The following BRAF variants were observed in gnomAD, a reference collection of about 807,000 sequenced individuals.
The protein encoded by BRAF is B-Raf proto-oncogene, serine/threonine kinase.
BRAF carries 16 observed loss-of-function variants against 104.6 expected under a neutral mutation model. The ratio of observed to expected loss-of-function variants is 0.15; its 90% CI spans 0.10 to 0.23. The LOEUF (loss-of-function observed/expected upper bound fraction) is 0.23. Ranked by LOEUF, BRAF falls within the 10% of genes least tolerant of loss-of-function variation. The probability of loss-of-function intolerance (pLI) is 1.00; values close to 1 mark genes in which losing one functional copy is unlikely to be tolerated. For synonymous variants in BRAF, 310 were observed against 341.6 expected (o/e 0.91, Z 1.02); for missense variants, 541 against 937.3 (o/e 0.58, Z 5.52).
At chr7:140,903,405 C>T (rs1815899580) in intron 1 of BRAF, among the ~76,000 whole-genome samples, 1 of 152,132 alleles carries the variant, frequency 6.6e-6, no homozygotes, top group Non-Finnish European at 1.5e-5. Flanking sequence ...ACATAGTTTG[C>T]TGAATATTTT....
chr7:140,883,918 G>T (rs1813224039), intron 1 of BRAF, among the ~76,000 whole-genome samples: 2 of 152,150 alleles, frequency 1.3e-5, no homozygotes. Context: ...AGCAGGTTAA[G>T]TAATCTTCCC....
At chr7:140,871,621 AAC>A (rs760722380) in intron 1 of BRAF, among the ~76,000 whole-genome samples, 7 of 152,306 alleles carry the variant, frequency 4.6e-5, no homozygotes, top group Non-Finnish European at 1.0e-4. Flanking sequence ...GAGCATAAAA[AAC>A]AGACATGCAA....
chr7:140,828,067 G>C (rs1032299140), intron 3 of BRAF, among the ~76,000 whole-genome samples: 1 of 151,964 alleles, frequency 6.6e-6, no homozygotes. Context: ...GGCCAATTTT[G>C]TATTTATAGT....
At chr7:140,755,976 G>C (rs1798170612) in intron 14 of BRAF, among the ~76,000 whole-genome samples, 1 of 152,048 alleles carries the variant, frequency 6.6e-6, no homozygotes, top group Non-Finnish European at 1.5e-5. Context: ...GCATGCTGAA[G>C]ATAAAAGAGG....
Position 140,734,702 on chromosome 7 carries a change from G to C in BRAF, c.2316C>G (p.Ser772=), listed in dbSNP as rs142592480. ...PKIHRSASEP[S]LNRAGFQTED... is the part of the protein sequence containing the mutation. ...CTGTTTGGAAACCAGCCCGATTCAAGGAGGGTTCTGATGCACTGCGGTGAA... is the reference window on the plus strand; with the variant it reads ...CTGTTTGGAAACCAGCCCGATTCAACGAGGGTTCTGATGCACTGCGGTGAA... The change falls in exon 19 of 20, where the codon TCC becomes TCG. Residue 772 remains serine, a synonymous_variant. Coordinates refer to ENST00000644969, the MANE Select transcript of BRAF (RefSeq NM_001374258.1). The C allele has an allele frequency of 1.2e-4, 200 of 1,612,072 alleles. No homozygotes were observed. Among genetic ancestry groups the C allele is most frequent in the Non-Finnish European group, 1.6e-4 (192 of 1,179,784 alleles).
At chr7:140,807,344 T>C (rs762380805) in intron 5 of BRAF, among the ~76,000 whole-genome samples, 3 of 152,074 alleles carry the variant, frequency 2.0e-5, no homozygotes, top group African/African-American at 7.2e-5. Flanking sequence ...ATACAAAAAC[T>C]TAAATGTCTA....
intron 12 of BRAF, chr7:140,781,190 C>A (rs1161421630): frequency 4.2e-6 from 1 of 237,646 alleles, no homozygotes; most frequent in East Asian, 1.1e-4. Flanking sequence ...CTCAGCTTCC[C>A]AAAGTGCTGG....
chr7:140,752,137 C>A (rs1033153745), intron 16 of BRAF, among the ~76,000 whole-genome samples: 4 of 152,078 alleles, frequency 2.6e-5, no homozygotes, highest in African/African-American at 9.7e-5. Context: ...ACAGATCATT[C>A]ATTTTTAATG....
In BRAF at chr7:140,720,694, C is replaced by T. The variant is rs1795278188; in HGVS notation, c.*5800G>A. ...ACCCCATTTTGGTCTCTGTTCTCTA[C>T]ATCTGTGCCTACTCTGTGAGCTTTG... is the stretch of plus-strand genomic sequence containing the variant. On this transcript the variant is annotated 3_prime_UTR_variant, in exon 20 of 20. Transcript: ENST00000644969. 3.8e-6 allele frequency: 4 copies of T among 1,065,800 alleles called. No individual in the cohort carries two copies. In the South Asian group the frequency reaches 1.4e-4, roughly 36 times the overall value. 66.0% of individuals were successfully genotyped at this position (1,065,800 alleles called of 1,614,324 possible).
chr7:140,716,109 C>T (rs1001664886), downstream of BRAF, among the ~76,000 whole-genome samples: 6 of 152,186 alleles, frequency 3.9e-5, no homozygotes, highest in African/African-American at 9.7e-5. Flanking sequence ...CCATGATGCA[C>T]ACTATTTTCA....
intron 1 of BRAF, among the ~76,000 whole-genome samples, chr7:140,866,458 A>C (rs1416782139): frequency 6.6e-6 from 1 of 152,200 alleles, no homozygotes; most frequent in African/African-American, 2.4e-5. Context: ...GTGAATTTGG[A>C]ACTTACCCCA....
intron 14 of BRAF, among the ~76,000 whole-genome samples, chr7:140,774,930 G>A (rs182446442): frequency 6.6e-6 from 1 of 152,294 alleles, no homozygotes; most frequent in Admixed American, 6.5e-5. Context: ...TATGTACTGA[G>A]TATGCCAGGT....
At chr7:140,840,805 C>T (rs906663257) in intron 2 of BRAF, among the ~76,000 whole-genome samples, 7 of 151,366 alleles carry the variant, frequency 4.6e-5, no homozygotes, top group African/African-American at 9.7e-5. Flanking sequence ...ACTTCCGCCT[C>T]CCAGGCTCAA....
At chr7:140,801,649 A>C in intron 5 of BRAF, 89 bp from the exon 6 acceptor site, 2 of 1,346,116 alleles carry the variant, frequency 1.5e-6, no homozygotes, top group Non-Finnish European at 2.1e-6. Context: ...TAAAATAACA[A>C]AGTTGTAATA....
At position 140,739,951 on chromosome 7, in the gene BRAF, A is replaced by T; in HGVS notation, c.2113-5T>A. ...TCGTCCCACCATAAAAATTATCTGG[A>T]GAGAGAAAAAAAAGGGAAATAATTC... is the stretch of plus-strand genomic sequence containing the variant. On this transcript the variant is annotated splice_polypyrimidine_tract_variant and splice_region_variant and intron_variant, in intron 17 of 19. Coordinates refer to ENST00000644969, the MANE Select transcript of BRAF (RefSeq NM_001374258.1). 2 of 1,613,034 alleles carry T rather than the reference A, an allele frequency of 1.2e-6. No homozygotes were observed. The highest frequency in any genetic ancestry group is 1.7e-6 in the Non-Finnish European group (2 of 1,179,612).
At chr7:140,800,761 G>C (rs1338213443) in intron 6 of BRAF, among the ~76,000 whole-genome samples, 4 of 152,116 alleles carry the variant, frequency 2.6e-5, no homozygotes, top group African/African-American at 4.8e-5. Context: ...AGAATAAAAA[G>C]TATCTACTGT....
intron 1 of BRAF, among the ~76,000 whole-genome samples, chr7:140,889,208 A>G (rs1334310577): frequency 1.3e-5 from 2 of 152,214 alleles, no homozygotes. Context: ...AGGTTACTTA[A>G]TTTCTGACAA....
At chr7:140,735,254 C>T (rs777844270) in intron 18 of BRAF, among the ~76,000 whole-genome samples, 4 of 152,192 alleles carry the variant, frequency 2.6e-5, no homozygotes, top group Non-Finnish European at 4.4e-5. Flanking sequence ...TTTACATACA[C>T]CTAATTGAAA....
intron 17 of BRAF, among the ~76,000 whole-genome samples, chr7:140,744,901 T>C (rs1302561980): frequency 6.6e-6 from 1 of 152,134 alleles, no homozygotes; most frequent in East Asian, 1.9e-4. Flanking sequence ...AATCAGAGCT[T>C]GAAGTCACAA....
Sources: gnomAD v4.1 joint callset for allele counts (sites outside exome capture counted in the v4.1 genomes callset) on GRCh38, gnomAD v4.1.1 for gene constraint, MANE v1.5 for transcripts, NCBI Gene and HGNC (gene_info 2026-07-23, HGNC 2026-07-21) for gene names.